ZNF365: variants seen among roughly 807,000 people sequenced by gnomAD.
ZNF365 encodes the protein protein ZNF365.
In ZNF365, 22 loss-of-function variants were observed where a neutral mutation model predicts 35.0. The observed-to-expected ratio is 0.63, with a 90% CI of 0.45 to 0.90. The LOEUF (loss-of-function observed/expected upper bound fraction) is 0.90. Among genes scored for constraint, ZNF365 ranks in the 40% least tolerant of loss-of-function variants. The pLI, the probability that ZNF365 is intolerant of heterozygous loss-of-function variation, is 0.00. For missense variants in ZNF365, 448 were observed against 500.3 expected, an observed-to-expected ratio of 0.90 and a Z score of 1.00; for synonymous variants, 188 against 196.2, an observed-to-expected ratio of 0.96 and a Z score of 0.35.
intron 3 of ZNF365, among the ~76,000 whole-genome samples, chr10:62,458,088 A>G (rs1342635993): frequency 6.6e-6 from 1 of 152,158 alleles, no homozygotes; most frequent in Admixed American, 6.5e-5. Flanking sequence ...AAAAGAGGAG[A>G]GAGATGACAA....
In ZNF365 at chr10:62,399,865, C is replaced by T; in HGVS notation, c.*76C>T. 1 of 1,497,474 alleles carries T rather than the reference C, an allele frequency of 6.7e-7. No individual in the cohort carries two copies. The allele number at this position is 1,497,474 out of a possible 1,614,324, so 92.8% of individuals were successfully genotyped here. ...TCCAGGAGCCAACAGTAATGTCTTTCTGGAAACATTCCATAGTAAGACACA... is the reference window on the plus strand; with the variant it reads ...TCCAGGAGCCAACAGTAATGTCTTTTTGGAAACATTCCATAGTAAGACACA... On this transcript the variant is annotated 3_prime_UTR_variant, in exon 5 of 5. Transcript: ENST00000395254.
chr10:62,458,423 G>A (rs1021607798), intron 3 of ZNF365, among the ~76,000 whole-genome samples: 1 of 151,500 alleles, frequency 6.6e-6, no homozygotes, highest in Non-Finnish European at 1.5e-5. Flanking sequence ...GCAGAATTTT[G>A]AAAAGGAGTG....
At chr10:62,467,253 C>G (rs1840959250) in intron 4 of ZNF365, among the ~76,000 whole-genome samples, 1 of 152,204 alleles carries the variant, frequency 6.6e-6, no homozygotes, top group African/African-American at 2.4e-5. Flanking sequence ...AATTAGTTCA[C>G]TGCATGATTC....
chr10:62,479,251 C>T (rs769758546), intron 4 of ZNF365, among the ~76,000 whole-genome samples: 13 of 152,174 alleles, frequency 8.5e-5, no homozygotes, highest in Non-Finnish European at 1.9e-4. Flanking sequence ...ATATTCCTCC[C>T]ACGTAGAAGA....
At chr10:62,417,753 C>A (rs1840097850) in intron 3 of ZNF365, among the ~76,000 whole-genome samples, 1 of 151,792 alleles carries the variant, frequency 6.6e-6, no homozygotes, top group Non-Finnish European at 1.5e-5. Context: ...GGAATACAGC[C>A]TGAGTCTCTT....
chr10:62,434,680 T>G (rs910554256), intron 3 of ZNF365, among the ~76,000 whole-genome samples: 2 of 152,158 alleles, frequency 1.3e-5, no homozygotes, highest in Non-Finnish European at 2.9e-5. Context: ...AATAGGACAT[T>G]TCTCCCCTAA....
downstream of ZNF365, among the ~76,000 whole-genome samples, chr10:62,402,755 T>C (rs1839849859): frequency 1.3e-5 from 2 of 152,250 alleles, no homozygotes; most frequent in Admixed American, 1.3e-4. Flanking sequence ...TTTTTAAACT[T>C]GTCATCTCTT....
At chr10:62,466,313 C>A (rs1302088347) in intron 4 of ZNF365, among the ~76,000 whole-genome samples, 2 of 152,222 alleles carry the variant, frequency 1.3e-5, no homozygotes, top group Non-Finnish European at 2.9e-5. Context: ...TGCAGCCTCA[C>A]ATGAAGCCAG....
intron 3 of ZNF365, among the ~76,000 whole-genome samples, chr10:62,421,974 C>T (rs1286881686): frequency 6.6e-6 from 1 of 152,224 alleles, no homozygotes; most frequent in Non-Finnish European, 1.5e-5. Context: ...GCAGCTTCCT[C>T]TTATCTGCAA....
rs1255614844 is a variant in ZNF365, at chr10:62,402,165, C to A, written c.*2376C>A. The A allele has an allele frequency of 1.0e-6, 1 of 985,816 alleles. No individual in the cohort carries two copies. Among genetic ancestry groups the A allele is most frequent in the African/African-American group, 1.7e-5 (1 of 57,240 alleles). The allele number at this position is 985,816 out of a possible 1,614,324, so 61.1% of individuals were successfully genotyped here. ...AAGGCGGTTGCTTTTTTGAAGAAAT[C>A]ACCAAAGTTTCTGGGAAACTATGTT... On this transcript the variant is annotated 3_prime_UTR_variant, in exon 5 of 5. Transcript: ENST00000395254.
rs561284191 is a variant in ZNF365 at position 62,431,861 on chromosome 10, CT to C, written c.925-27869del. On this transcript the variant is annotated intron_variant, in intron 3 of 4. Transcript: ENST00000395255. ...GGTTTTTGTTTGTTTGTTTGTTTGC[CT>C]TTTTTTTTTTAAAGTACCCAATGCA... Among the ~76,000 whole-genome samples the C allele has an allele frequency of 9.9e-3, 1,424 of 143,852 alleles. 14 individuals carry two copies. The highest frequency in any genetic ancestry group is 0.03 in the African/African-American group (1,189 of 39,504). The allele number at this position is 143,852 out of a possible 152,430, so 94.4% of individuals were successfully genotyped here.
intron 3 of ZNF365, among the ~76,000 whole-genome samples, chr10:62,441,287 G>C (rs1197381038): frequency 6.6e-6 from 1 of 152,148 alleles, no homozygotes; most frequent in Non-Finnish European, 1.5e-5. Flanking sequence ...CCCATTGGCA[G>C]TTTCTTTTTG....
chr10:62,431,705 CAG>C (rs1840337460), intron 3 of ZNF365, among the ~76,000 whole-genome samples: 1 of 152,136 alleles, frequency 6.6e-6, no homozygotes, highest in Admixed American at 6.6e-5. Context: ...CAAAGCAAGA[CAG>C]AGGATGAGCT....
chr10:62,444,688 T>A (rs912317042), intron 3 of ZNF365, among the ~76,000 whole-genome samples: 2 of 152,198 alleles, frequency 1.3e-5, no homozygotes, highest in African/African-American at 4.8e-5. Context: ...TCTCTTCTTG[T>A]AAGTCATGTA....
chr10:62,400,474 C>T lies in ZNF365; in HGVS notation c.*685C>T, dbSNP rs1839808508. The stretch of plus-strand genomic sequence containing the variant: ...TCAGATTTTGGTACACCTCTGCCGT[C>T]TTCTTTGGCTGAGTATTCTGCACCC... On this transcript the variant is annotated 3_prime_UTR_variant, in exon 5 of 5. Coordinates refer to ENST00000395254, the MANE Select transcript of ZNF365 (RefSeq NM_014951.3). The T allele has an allele frequency of 4.1e-6, 4 of 985,898 alleles. No individual in the cohort carries two copies. Among genetic ancestry groups the T allele is most frequent in the Non-Finnish European group, 4.8e-6 (4 of 829,964 alleles). The allele number at this position is 985,898 out of a possible 1,614,324, so 61.1% of individuals were successfully genotyped here.
At chr10:62,475,563 A>C (rs372346344) in intron 4 of ZNF365, among the ~76,000 whole-genome samples, 1 of 152,212 alleles carries the variant, frequency 6.6e-6, no homozygotes, top group African/African-American at 2.4e-5. Context: ...ACTTTGAGAG[A>C]CTACAAGGCT....
chr10:62,424,321 C>G (rs1460401404), intron 3 of ZNF365, among the ~76,000 whole-genome samples: 1 of 152,084 alleles, frequency 6.6e-6, no homozygotes, highest in Non-Finnish European at 1.5e-5. Flanking sequence ...TTTGCAGGCA[C>G]CAGTACCATG....
chr10:62,450,065 A>G (rs764832895), intron 3 of ZNF365, among the ~76,000 whole-genome samples: 6 of 152,052 alleles, frequency 3.9e-5, no homozygotes, highest in Admixed American at 6.6e-5. Flanking sequence ...TTGATCCAGG[A>G]GCTCAAGACC....
chr10:62,392,774 G>C (rs980231680), intron 3 of ZNF365, among the ~76,000 whole-genome samples: 1 of 152,078 alleles, frequency 6.6e-6, no homozygotes, highest in African/African-American at 2.4e-5. Flanking sequence ...GGGATTACAG[G>C]CACCTGCCAC....
Sources: allele counts gnomAD v4.1 joint callset (sites outside exome capture counted in the v4.1 genomes callset), GRCh38; gene constraint gnomAD v4.1.1; transcripts MANE v1.5; gene names NCBI Gene and HGNC (gene_info 2026-07-23, HGNC 2026-07-21).